TRPM3: variants seen among roughly 807,000 people sequenced by gnomAD.
TRPM3 encodes long transient receptor potential channel 3.
Under a neutral mutation model 181.2 loss-of-function variants are expected in TRPM3, and 77 were observed. That is an observed-to-expected ratio of 0.42 (90% CI 0.35 to 0.51). The LOEUF is 0.51. Ranked by LOEUF, TRPM3 falls within the 20% of genes least tolerant of loss-of-function variation. The pLI, the probability that TRPM3 is intolerant of heterozygous loss-of-function variation, is 0.01. For missense variants in TRPM3, 1,759 were observed against 2,196.7 expected (o/e 0.80, Z 3.98); for synonymous variants, 745 against 796.4 (o/e 0.94, Z 1.09).
At chr9:70,696,883 C>T (rs1480053209) in intron 8 of TRPM3, among the ~76,000 whole-genome samples, 1 of 152,174 alleles carries the variant, frequency 6.6e-6, no homozygotes, top group Non-Finnish European at 1.5e-5. Context: ...GGGCGCTGTT[C>T]TTCTCTCCTT....
At chr9:70,574,914 G>C (rs2053496568) in intron 22 of TRPM3, among the ~76,000 whole-genome samples, 1 of 151,584 alleles carries the variant, frequency 6.6e-6, no homozygotes, top group Non-Finnish European at 1.5e-5. Flanking sequence ...GTTTCAGTGA[G>C]CTTGTTTTTT....
chr9:71,443,243 T>C (rs1053121970), intron 1 of TRPM3, among the ~76,000 whole-genome samples: 13 of 152,048 alleles, frequency 8.5e-5, no homozygotes, highest in African/African-American at 3.1e-4. Flanking sequence ...TAATGGATTA[T>C]AGCAAAGCAA....
chr9:71,440,703 C>T (rs1250921428), intron 1 of TRPM3, among the ~76,000 whole-genome samples: 4 of 152,164 alleles, frequency 2.6e-5, no homozygotes, highest in African/African-American at 9.7e-5. Flanking sequence ...CTGTCCAGTA[C>T]TTACCATGGT....
rs367841982 is a variant in TRPM3, at chr9:70,591,022, C to T, written c.3223+9G>A. The T allele has an allele frequency of 1.2e-6, 2 of 1,614,140 alleles. No individual in the cohort carries two copies. The highest frequency in any genetic ancestry group is 2.2e-5 in the East Asian group (1 of 44,888). On this transcript the variant is annotated intron_variant, in intron 22 of 25. Transcript: ENST00000677713. ...GACTTTGGTGTATGAGAATCATAAA[C>T]TTGCTTACGGTCTATCTGGTCCGCA...
chr9:70,811,312 T>A lies in TRPM3; in HGVS notation c.973+16535A>T, dbSNP rs557818214. 3.8e-6 allele frequency: 5 copies of A among 1,320,038 alleles called. No homozygotes were observed. In the South Asian group the frequency reaches 3.9e-5, roughly 10 times the overall value. 81.8% of individuals were successfully genotyped at this position (1,320,038 alleles called of 1,614,324 possible). A position where few individuals can be genotyped will look rare whatever the true frequency, so the allele number is the denominator to read the frequency against. ...TGCATACACATTTTATTAAAGCAGATGGATTACCCAATTTACATAAATTTA... is the reference window on the plus strand; with the variant it reads ...TGCATACACATTTTATTAAAGCAGAAGGATTACCCAATTTACATAAATTTA... On this transcript the variant is annotated intron_variant, in intron 6 of 25. Coordinates refer to ENST00000677713, the MANE Select transcript of TRPM3 (RefSeq NM_001366145.2).
At chr9:70,585,866 A>G (rs1317842078) in intron 22 of TRPM3, among the ~76,000 whole-genome samples, 2 of 152,130 alleles carry the variant, frequency 1.3e-5, no homozygotes, top group Non-Finnish European at 2.9e-5. Context: ...TACTATTCTG[A>G]GCATGGAGTG....
chr9:70,939,705 G>A (rs189323852), intron 1 of TRPM3, among the ~76,000 whole-genome samples: 1 of 152,202 alleles, frequency 6.6e-6, no homozygotes, highest in East Asian at 1.9e-4. Flanking sequence ...TTTGAATTGA[G>A]TGCTGAATTA....
chr9:70,981,215 T>C (rs2097360626), intron 1 of TRPM3, among the ~76,000 whole-genome samples: 2 of 152,206 alleles, frequency 1.3e-5, no homozygotes, highest in African/African-American at 4.8e-5. Context: ...AGCCATAATA[T>C]ATGAAAACTG....
Position 71,342,134 on chromosome 9 carries a change from G to C in TRPM3, c.183+104519C>G, listed in dbSNP as rs189399568. 4.7e-3 allele frequency among the ~76,000 whole-genome samples: 715 copies of C among 150,782 alleles called. 4 individuals are homozygous for C. Among genetic ancestry groups the C allele is most frequent in the South Asian group, 0.014 (67 of 4,764 alleles). On this transcript the variant is annotated intron_variant, in intron 1 of 24. Coordinates refer to the TRPM3 transcript ENST00000357533. ...AAGATTATGTTGGCCAGGCTGTGGG[G>C]AAACAGACACTTTTAAATATCACTT...
At chr9:71,224,678 T>C (rs1453473922) in intron 1 of TRPM3, among the ~76,000 whole-genome samples, 3 of 151,964 alleles carry the variant, frequency 2.0e-5, no homozygotes, top group Non-Finnish European at 2.9e-5. Flanking sequence ...TTCAGAATCC[T>C]ATCAGATATA....
At chr9:71,305,481 T>C (rs2087201908) in intron 1 of TRPM3, among the ~76,000 whole-genome samples, 1 of 152,122 alleles carries the variant, frequency 6.6e-6, no homozygotes, top group Non-Finnish European at 1.5e-5. Flanking sequence ...TTCTCCAGTG[T>C]AAAGGTCTGG....
chr9:70,902,364 CT>C (rs1293341634), intron 1 of TRPM3, among the ~76,000 whole-genome samples: 1 of 152,172 alleles, frequency 6.6e-6, no homozygotes, highest in Non-Finnish European at 1.5e-5. Flanking sequence ...GCCTCATTTC[CT>C]TTTTGCCCGG....
chr9:70,952,487 A>G (rs2097014541), intron 1 of TRPM3, among the ~76,000 whole-genome samples: 1 of 152,178 alleles, frequency 6.6e-6, no homozygotes, highest in South Asian at 2.1e-4. Context: ...CAACATACTT[A>G]CTTGTTTTGA....
At chr9:71,066,601 C>T (rs1322417772) in intron 1 of TRPM3, among the ~76,000 whole-genome samples, 1 of 151,914 alleles carries the variant, frequency 6.6e-6, no homozygotes, top group Non-Finnish European at 1.5e-5. Flanking sequence ...GTCTTATATA[C>T]AGAGTGGGGT....
intron 1 of TRPM3, among the ~76,000 whole-genome samples, chr9:71,298,077 A>G (rs1286140340): frequency 1.3e-5 from 2 of 150,660 alleles, no homozygotes; most frequent in African/African-American, 2.4e-5. Context: ...ACAGCATGCC[A>G]GTAAACTCTG....
chr9:70,655,305 CAAAAAAAAAAAAA>C (rs1169901529), intron 9 of TRPM3, among the ~76,000 whole-genome samples: 1 of 33,186 alleles, frequency 3.0e-5, no homozygotes, highest in South Asian at 2.1e-3. Flanking sequence ...GACTCCGTCT[CAAAAAAAAAAAAA>C]AAAAAAAAAA....
chr9:70,591,467 C>G (rs532039122), intron 21 of TRPM3, among the ~76,000 whole-genome samples: 26 of 152,282 alleles, frequency 1.7e-4, no homozygotes, highest in African/African-American at 6.3e-4. Flanking sequence ...TCATTGCTGT[C>G]TGTGGGACCG....
chr9:71,292,223 C>T (rs1163341234), intron 1 of TRPM3, among the ~76,000 whole-genome samples: 1 of 151,928 alleles, frequency 6.6e-6, no homozygotes, highest in Admixed American at 6.6e-5. Context: ...GTAGATAATG[C>T]ATACACACAT....
chr9:71,042,898 T>C (rs1241596261), intron 1 of TRPM3, among the ~76,000 whole-genome samples: 4 of 152,152 alleles, frequency 2.6e-5, no homozygotes, highest in East Asian at 1.9e-4. Context: ...TGTGTTAAAG[T>C]ATAGGTAATA....
Sources: allele counts gnomAD v4.1 joint callset (sites outside exome capture counted in the v4.1 genomes callset), GRCh38; gene constraint gnomAD v4.1.1; transcripts MANE v1.5; gene names NCBI Gene and HGNC (gene_info 2026-07-23, HGNC 2026-07-21).